Variants in STIL observed in about 807,000 individuals in gnomAD.
STIL encodes STIL centriolar assembly protein, also known as SCL-interrupting locus protein.
STIL carries 55 observed loss-of-function variants against 110.1 expected under a neutral mutation model. The ratio of observed to expected loss-of-function variants is 0.50; its 90% confidence interval spans 0.40 to 0.63. STIL has a LOEUF of 0.63. Ranked by LOEUF, STIL falls within the 20% of genes least tolerant of loss-of-function variation. The pLI, the probability that STIL is intolerant of heterozygous loss-of-function variation, is 0.00. For synonymous variants in STIL, 481 were observed against 530.0 expected (o/e 0.91, Z 1.27); for missense variants, 1,358 against 1,530.0 (o/e 0.89, Z 1.87).
At chr1:47,300,486 GAGA>G (rs1278241200) in intron 5 of STIL, among the ~76,000 whole-genome samples, 11 of 140,994 alleles carry the variant, frequency 7.8e-5, no homozygotes, top group Non-Finnish European at 6.2e-5. Context: ...TTTTTTTTTT[GAGA>G]AGGAGTCTCG....
At chr1:47,274,813 T>C (rs976609667) in intron 12 of STIL, among the ~76,000 whole-genome samples, 25 of 152,140 alleles carry the variant, frequency 1.6e-4, no homozygotes, top group African/African-American at 5.8e-4. Flanking sequence ...CAGACTATAG[T>C]TCAGAAATAG....
intron 12 of STIL, among the ~76,000 whole-genome samples, chr1:47,278,969 T>C (rs1645067999): frequency 6.6e-6 from 1 of 152,094 alleles, no homozygotes; most frequent in Non-Finnish European, 1.5e-5. Flanking sequence ...GCAAACACTA[T>C]AACTCCAATT....
Position 47,293,464 on chromosome 1 carries a change from T to G in STIL, c.866A>C (p.Gln289Pro), listed in dbSNP as rs1330029712. The change falls in exon 8 of 17, where the codon CAA becomes CCA. Residue 289 changes from glutamine to proline, a missense_variant. Gln to Pro is a moderately conservative substitution (Grantham distance 76, BLOSUM62 -1). Transcript: ENST00000371877. The stretch of plus-strand genomic sequence containing the variant: ...AGAATAAAATATCACTTGCCTTTCT[T>G]GAACAGAAGAATTGAATATGTATCG... ...CLRYIFNSSV[Q>P]ERVFSESGNF... The G allele has an allele frequency of 3.1e-6, 5 of 1,612,444 alleles. No homozygotes were observed. In the African/African-American group the frequency reaches 6.7e-5, roughly 22 times the overall value.
Position 47,304,881 on chromosome 1 carries a change from T to C in STIL, c.152+8A>G, listed in dbSNP as rs776170164. 2.5e-6 allele frequency: 4 copies of C among 1,587,608 alleles called. No individual in the cohort carries two copies. The highest frequency in any genetic ancestry group is 2.2e-5 in the East Asian group (1 of 44,704). Reference sequence around the variant, plus strand: ...TGGCTTGATTTGAAAAAAAGAAACATGTTATACCTGTAGTAACTGAGATGT... The same window carrying C: ...TGGCTTGATTTGAAAAAAAGAAACACGTTATACCTGTAGTAACTGAGATGT... On this transcript the variant is annotated splice_region_variant and intron_variant, in intron 3 of 16. Coordinates refer to ENST00000371877, the MANE Select transcript of STIL (RefSeq NM_001048166.1).
At position 47,280,615 on chromosome 1, in the gene STIL, T is replaced by C. The variant is rs1189312704; in HGVS notation, c.1843A>G (p.Ser615Gly). Residue 615 changes from serine to glycine, a missense_variant, in exon 12 of 17, where the codon AGT (serine) becomes GGT (glycine). By Grantham distance (56) the Ser-to-Gly change is moderately conservative (BLOSUM62 0). Coordinates refer to ENST00000371877, the MANE Select transcript of STIL (RefSeq NM_001048166.1). ...CCQHHSHIQYSPLNSWQGANT... is the reference protein window; with the variant it reads ...CCQHHSHIQYGPLNSWQGANT... ...GCTCCTTGCCAAGAATTTAGCGGACTATATTGAATATGACTATGATGCTGA... is the reference window on the plus strand; with the variant it reads ...GCTCCTTGCCAAGAATTTAGCGGACCATATTGAATATGACTATGATGCTGA... The C allele has an allele frequency of 6.2e-7, 1 of 1,614,254 alleles. No individual in the cohort carries two copies. The highest frequency in any genetic ancestry group is 1.1e-5 in the South Asian group (1 of 91,088).
At chr1:47,292,030 T>A (rs1172323461) in intron 8 of STIL, among the ~76,000 whole-genome samples, 1 of 125,620 alleles carries the variant, frequency 8.0e-6, no homozygotes, top group Non-Finnish European at 1.6e-5. Context: ...TTGTTTTTTG[T>A]TTTTTTTTTT....
intron 15 of STIL, among the ~76,000 whole-genome samples, chr1:47,261,629 A>G (rs1048007412): frequency 5.3e-5 from 8 of 152,032 alleles, no homozygotes; most frequent in African/African-American, 1.9e-4. Context: ...GGTCCCAGCT[A>G]CTTGAAAGGC....
chr1:47,307,461 A>T (rs1424041902), intron 2 of STIL, among the ~76,000 whole-genome samples: 4 of 152,172 alleles, frequency 2.6e-5, no homozygotes, highest in African/African-American at 9.7e-5. Flanking sequence ...TGCAATCTCT[A>T]AACATAAATT....
intron 6 of STIL, 87 bp downstream of exon 6, chr1:47,299,818 T>G: frequency 7.2e-7 from 1 of 1,391,522 alleles, no homozygotes; most frequent in Non-Finnish European, 1.0e-6. Context: ...GGCATATAAA[T>G]TGACTGGACA....
intron 13 of STIL, among the ~76,000 whole-genome samples, chr1:47,271,113 A>G (rs1021102386): frequency 2.0e-5 from 3 of 152,194 alleles, no homozygotes; most frequent in Non-Finnish European, 4.4e-5. Flanking sequence ...CAGATTTGAT[A>G]TGCTTATTGT....
chr1:47,301,552 G>A lies in STIL; in HGVS notation c.453+9C>T. On this transcript the variant is annotated intron_variant, in intron 5 of 16. Coordinates refer to ENST00000371877, the MANE Select transcript of STIL (RefSeq NM_001048166.1). ...TTGAATTAACTATCAAGTTGTCAAT[G>A]AATCGCACCTTTAAAGCTGAACTGA... 2 of 1,612,298 alleles carry A rather than the reference G, an allele frequency of 1.2e-6. No homozygotes were observed. Among genetic ancestry groups the A allele is most frequent in the Non-Finnish European group, 8.5e-7 (1 of 1,179,166 alleles).
At chr1:47,306,706 T>C (rs1440456630) in intron 2 of STIL, among the ~76,000 whole-genome samples, 6 of 152,246 alleles carry the variant, frequency 3.9e-5, no homozygotes, top group Non-Finnish European at 5.9e-5. Flanking sequence ...AGTTTAATTA[T>C]TGAAGCGTCA....
At chr1:47,251,943 A>T in intron 16 of STIL, 21 bp from the exon 17 acceptor site, 1 of 1,607,176 alleles carries the variant, frequency 6.2e-7, no homozygotes, top group South Asian at 1.1e-5. Context: ...CAAAGTAGTA[A>T]GCCATCATTT....
intron 12 of STIL, among the ~76,000 whole-genome samples, chr1:47,278,571 G>T (rs1479894759): frequency 6.6e-6 from 1 of 151,804 alleles, no homozygotes; most frequent in East Asian, 1.9e-4. Context: ...GTCTTCTTTA[G>T]AACAAGACAG....
chr1:47,297,330 C>T (rs1297845961), intron 6 of STIL, among the ~76,000 whole-genome samples: 2 of 139,532 alleles, frequency 1.4e-5, no homozygotes, highest in Non-Finnish European at 3.2e-5. Flanking sequence ...GGCAACAGAG[C>T]AAGACTCCAT....
intron 2 of STIL, among the ~76,000 whole-genome samples, chr1:47,307,247 T>G: frequency 6.6e-6 from 1 of 152,244 alleles, no homozygotes; most frequent in South Asian, 2.1e-4. Context: ...CTTGAATCAG[T>G]TGAGGTTGCA....
At chr1:47,294,864 G>T (rs115232197) in intron 7 of STIL, among the ~76,000 whole-genome samples, 2 of 152,156 alleles carry the variant, frequency 1.3e-5, no homozygotes, top group African/African-American at 4.8e-5. Context: ...GGTAGTGAGA[G>T]AATACTGAAG....
chr1:47,282,660 C>A, intron 10 of STIL: 1 of 532,532 alleles, frequency 1.9e-6, no homozygotes, highest in Non-Finnish European at 3.4e-6. Flanking sequence ...AATAAACTAC[C>A]CTATTTACCT....
intron 4 of STIL, 57 bp from the exon 5 acceptor site, chr1:47,301,805 A>G: frequency 6.6e-7 from 1 of 1,507,442 alleles, no homozygotes; most frequent in East Asian, 2.3e-5. Context: ...CATAAAATCA[A>G]CCAAGCAAGA....
Sources: allele counts gnomAD v4.1 joint callset (sites outside exome capture counted in the v4.1 genomes callset), GRCh38; gene constraint gnomAD v4.1.1; transcripts MANE v1.5; gene names NCBI Gene and HGNC (gene_info 2026-07-23, HGNC 2026-07-21).